The following ANKRD1 variants were observed in gnomAD, a reference collection of about 807,000 sequenced individuals.
ANKRD1 encodes the protein ankyrin repeat domain 1, also known as ankyrin repeat domain-containing protein 1.
Under a neutral mutation model 40.1 loss-of-function variants are expected in ANKRD1, and 32 were observed. The observed-to-expected ratio is 0.80, with a 90% CI of 0.60 to 1.07. The LOEUF (loss-of-function observed/expected upper bound fraction) is 1.07, where lower values mean the gene tolerates loss of function less well. Among genes scored for constraint, ANKRD1 ranks in the 50% least tolerant of loss-of-function variants. ANKRD1 has a pLI of 0.00. For synonymous variants in ANKRD1, 149 were observed against 141.2 expected (o/e 1.06, Z -0.39); for missense variants, 359 against 386.0 (o/e 0.93, Z 0.59).
chr10:90,916,219 A>G lies in ANKRD1; in HGVS notation c.603T>C (p.Val201=). The change falls in exon 6 of 9, where the codon GTT becomes GTC. Residue 201 remains valine (V), a synonymous_variant. Transcript: ENST00000371697. ...CTCCTTTATTCAGCAACAATTTTAAAACATCCAGGTTTCCTCCACGGCTTG... is the reference window on the plus strand; with the variant it reads ...CTCCTTTATTCAGCAACAATTTTAAGACATCCAGGTTTCCTCCACGGCTTG... ...HWASRGGNLD[V]LKLLLNKGAK... 1 of 1,614,056 alleles carries G rather than the reference A, an allele frequency of 6.2e-7. No homozygotes were observed. Among genetic ancestry groups the G allele is most frequent in the Non-Finnish European group, 8.5e-7 (1 of 1,179,982 alleles).
rs1847363927 is a variant in ANKRD1, at chr10:90,915,828, G to A, written c.704C>T (p.Ala235Val). ...TGCCTCACAGGCGATAAGATGCTCC[G>A]CGCACTCATAGTGGCCAGTCCTCAC... ...VAVRTGHYEC[A>V]EHLIACEADL... The change falls in exon 7 of 9, where the codon GCG becomes GTG. Residue 235 changes from alanine (A) to valine (V), a missense_variant. Coordinates refer to ENST00000371697, the MANE Select transcript of ANKRD1 (RefSeq NM_014391.3). 6.2e-7 allele frequency: 1 copy of A among 1,613,522 alleles called. No homozygotes were observed. The highest frequency in any genetic ancestry group is 1.3e-5 in the African/African-American group (1 of 74,712).
At chr10:90,917,933 A>G (rs1847389868) in intron 4 of ANKRD1, 103 bp from the exon 5 acceptor site, 2 of 877,224 alleles carry the variant, frequency 2.3e-6, no homozygotes, top group Admixed American at 4.4e-5. Context: ...CCTAACTGAT[A>G]GAAACTCAAG....
chr10:90,920,075 G>T, intron 2 of ANKRD1, 94 bp downstream of exon 2: 1 of 1,539,434 alleles, frequency 6.5e-7, no homozygotes, highest in Non-Finnish European at 9.0e-7. Context: ...ACATCTTAAT[G>T]ATTGGGTTTG....
chr10:90,920,304 A>G lies in ANKRD1; in HGVS notation c.72T>C (p.Leu24=), dbSNP rs755486196. The change falls in exon 2 of 9, where the codon CTT becomes CTC. Residue 24 remains leucine, a synonymous_variant. Transcript: ENST00000371697. ...ACTCTCCATCTCTGAAATCCTCAGG[A>G]AGGAATTCCCCTGCCTCCCCATTGC... ...KNGNGEAGEF[L]PEDFRDGEYE... 9 of 1,614,014 alleles carry G rather than the reference A, an allele frequency of 5.6e-6. No homozygotes were observed. The African/African-American group carries it at 1.1e-4, about 19-fold the overall frequency.
chr10:90,912,816 G>A lies in ANKRD1; in HGVS notation c.*50C>T, dbSNP rs753622461. On this transcript the variant is annotated 3_prime_UTR_variant, in exon 9 of 9. Transcript: ENST00000371697. The stretch of plus-strand genomic sequence containing the variant: ...GCTAGTGTCTCTTCTCTTGGGCCAT[G>A]CCTTCAAAATGCCAGTGAACATTTA... 2 of 1,512,504 alleles carry A rather than the reference G, an allele frequency of 1.3e-6. No individual in the cohort carries two copies. Among genetic ancestry groups the A allele is most frequent in the East Asian group, 2.3e-5 (1 of 44,396 alleles). 93.7% of individuals were successfully genotyped at this position (1,512,504 alleles called of 1,614,324 possible).
chr10:90,916,328 C>T (rs1847374135), intron 5 of ANKRD1, 59 bp from the exon 6 acceptor site: 1 of 1,318,722 alleles, frequency 7.6e-7, no homozygotes, highest in African/African-American at 1.4e-5. Flanking sequence ...GGAATTAGAA[C>T]CTGGTTGCTA....
intron 7 of ANKRD1, 42 bp downstream of exon 7, chr10:90,915,740 G>A (rs770806546): frequency 6.2e-7 from 1 of 1,612,354 alleles, no homozygotes; most frequent in Non-Finnish European, 8.5e-7. Flanking sequence ...AAATACAAAA[G>A]CAATGAAGCT....
chr10:90,919,872 C>T (rs1468302038), intron 2 of ANKRD1, among the ~76,000 whole-genome samples: 1 of 152,154 alleles, frequency 6.6e-6, no homozygotes, highest in African/African-American at 2.4e-5. Flanking sequence ...AAGAGATCTC[C>T]GTTGCTTGGG....
At chr10:90,918,003 C>T (rs1305647156) in intron 4 of ANKRD1, among the ~76,000 whole-genome samples, 173 bp from the exon 5 acceptor site, 1 of 152,174 alleles carries the variant, frequency 6.6e-6, no homozygotes, top group Non-Finnish European at 1.5e-5. Flanking sequence ...GAACAATTAT[C>T]CTGCAACTAA....
rs142105844 is a variant in ANKRD1, at chr10:90,912,216, C to T, written c.*650G>A. ...TGAGCAAATTCAATTCTGCATGTCC[C>T]AGTTTGCCGCTCCTTCCACTGATTT... On this transcript the variant is annotated 3_prime_UTR_variant, in exon 9 of 9. Coordinates refer to ENST00000371697, the MANE Select transcript of ANKRD1 (RefSeq NM_014391.3). 7.0e-6 allele frequency: 1 copy of T among 142,606 alleles called. No homozygotes were observed. The highest frequency in any genetic ancestry group is 2.1e-4 in the East Asian group (1 of 4,764). 8.8% of individuals were successfully genotyped at this position (142,606 alleles called of 1,614,324 possible).
At chr10:90,917,852 A>T (rs570665185) in intron 4 of ANKRD1, 22 bp from the exon 5 acceptor site, 1 of 1,580,304 alleles carries the variant, frequency 6.3e-7, no homozygotes, top group Admixed American at 1.7e-5. Context: ...GAGATTTTAA[A>T]CAGAGATAGC....
intron 6 of ANKRD1, 82 bp downstream of exon 6, chr10:90,916,089 G>A (rs1847369496): frequency 4.2e-6 from 3 of 716,006 alleles, no homozygotes; most frequent in Non-Finnish European, 6.5e-6. Context: ...GAGGGGGAGG[G>A]GGAAGAGTGG....
chr10:90,912,336 A>G lies in ANKRD1; in HGVS notation c.*530T>C, dbSNP rs1441472517. The G allele has an allele frequency of 7.2e-6, 1 of 138,414 alleles. No individual in the cohort carries two copies. Among genetic ancestry groups the G allele is most frequent in the Non-Finnish European group, 1.6e-5 (1 of 63,962 alleles). 8.6% of individuals were successfully genotyped at this position (138,414 alleles called of 1,614,324 possible). A position where few individuals can be genotyped will look rare whatever the true frequency, so the allele number is the denominator to read the frequency against. The stretch of plus-strand genomic sequence containing the variant: ...AAAAAAAAAAATCCAGCCTGGGGGT[A>G]AAATAGCTGGCTTCACTGTCCTTTT... On this transcript the variant is annotated 3_prime_UTR_variant, in exon 9 of 9. Transcript: ENST00000371697.
rs1847360520 is a variant in ANKRD1 at position 90,915,626 on chromosome 10, ACG to A, written c.764_765del (p.Pro255LeufsTer3). The A allele has an allele frequency of 6.2e-7, 1 of 1,613,974 alleles. No individual in the cohort carries two copies. Among genetic ancestry groups the A allele is most frequent in the Non-Finnish European group, 8.5e-7 (1 of 1,179,964 alleles). The part of the protein sequence containing the change: ...LNAKDREGDT[P>X]LHDAVRLNRY... ...CGGTTCAGTCTCACCGCATCATGCAACGGGGTATCTCCTTCCTAGAGAAGCAG... is the reference window on the plus strand; with the variant it reads ...CGGTTCAGTCTCACCGCATCATGCAAGGGTATCTCCTTCCTAGAGAAGCAG... On this transcript the variant is annotated frameshift_variant, in exon 8 of 9. Transcript: ENST00000371697. LOFTEE classifies it high-confidence loss of function.
chr10:90,919,095 A>G (rs754705245), intron 3 of ANKRD1, 36 bp downstream of exon 3: 1 of 1,611,570 alleles, frequency 6.2e-7, no homozygotes. Flanking sequence ...ACAACACTGG[A>G]CATGTATTAC....
Position 90,920,220 on chromosome 10 carries a change from AG to A in ANKRD1, c.155del (p.Pro52LeufsTer2), listed in dbSNP as rs763740281. On this transcript the variant is annotated frameshift_variant, in exon 2 of 9. Transcript: ENST00000371697. LOFTEE classifies it high-confidence loss of function. ...QEDLKTLLAH[P>X]VTLGEQQWKS... ...TCCACTGTTGCTCCCCCAGGGTCACAGGGTGGGCTAGAAGTGTCTTCAGATC... is the reference window on the plus strand; with the variant it reads ...TCCACTGTTGCTCCCCCAGGGTCACAGGTGGGCTAGAAGTGTCTTCAGATC... The A allele has an allele frequency of 3.7e-6, 6 of 1,614,090 alleles. No individual in the cohort carries two copies. Among genetic ancestry groups the A allele is most frequent in the Admixed American group, 1.7e-5 (1 of 60,012 alleles).
Position 90,919,141 on chromosome 10 carries a change from G to A in ANKRD1, c.335C>T (p.Pro112Leu). 1 of 1,612,136 alleles carries A rather than the reference G, an allele frequency of 6.2e-7. No homozygotes were observed. Among genetic ancestry groups the A allele is most frequent in the Non-Finnish European group, 8.5e-7 (1 of 1,179,534 alleles). The change falls in exon 3 of 9, where the codon CCT becomes CTT. Residue 112 changes from proline to leucine, a missense_variant. Transcript: ENST00000371697. Reference protein sequence around the residue: ...TKVPVVKEPEPEIITEPVDVP... With the variant: ...TKVPVVKEPELEIITEPVDVP... ...AAAAAAAGCCCTTACAATGATTTCAGGTTCTGGTTCCTTTACAACTGGAAC... is the reference window on the plus strand; with the variant it reads ...AAAAAAAGCCCTTACAATGATTTCAAGTTCTGGTTCCTTTACAACTGGAAC...
Position 90,915,778 on chromosome 10 carries a change from T to C in ANKRD1, c.750+4A>G. On this transcript the variant is annotated splice_donor_region_variant and intron_variant, in intron 7 of 8. Coordinates refer to ENST00000371697, the MANE Select transcript of ANKRD1 (RefSeq NM_014391.3). ...GGGAAACCCGAGCGTGTCCAGCTAC[T>C]CACTCTGTCTTTGGCGTTGAGGTCT... The C allele has an allele frequency of 1.2e-6, 2 of 1,613,860 alleles. No homozygotes were observed. Among genetic ancestry groups the C allele is most frequent in the Non-Finnish European group, 8.5e-7 (1 of 1,179,962 alleles).
At chr10:90,914,484 TAA>T in intron 8 of ANKRD1, among the ~76,000 whole-genome samples, 1 of 152,292 alleles carries the variant, frequency 6.6e-6, no homozygotes, top group Middle Eastern at 3.4e-3. Context: ...AGATTTCATT[TAA>T]CCTGCTCTTT....
Sources: gnomAD v4.1 joint callset for allele counts (sites outside exome capture counted in the v4.1 genomes callset) on GRCh38, gnomAD v4.1.1 for gene constraint, MANE v1.5 for transcripts, NCBI Gene and HGNC (gene_info 2026-07-23, HGNC 2026-07-21) for gene names.